Variants in ZFYVE1 observed in about 807,000 individuals in gnomAD.
ZFYVE1 encodes the protein zinc finger FYVE-type containing 1.
ZFYVE1 carries 30 observed loss-of-function variants against 74.4 expected under a neutral mutation model. The observed-to-expected ratio is 0.40, with a 90% CI of 0.30 to 0.55. The LOEUF (loss-of-function observed/expected upper bound fraction) is 0.55, where lower values mean the gene tolerates loss of function less well. Among genes scored for constraint, ZFYVE1 ranks in the 20% least tolerant of loss-of-function variants. ZFYVE1 has a pLI of 0.42. For synonymous variants in ZFYVE1, 335 were observed against 385.1 expected (o/e 0.87, Z 1.52); for missense variants, 703 against 1,011.6 (o/e 0.69, Z 4.14).
intron 1 of ZFYVE1, among the ~76,000 whole-genome samples, chr14:73,025,693 CAA>C (rs34131740): frequency 0.039 from 2,988 of 76,118 alleles, 92 homozygotes; most frequent in African/African-American, 0.14. Context: ...AAGACTCCCT[CAA>C]AAAAAAAAAA....
rs1893245411 is a variant in ZFYVE1, at chr14:72,978,718, A to C, written c.1419+143T>G. ...AAGACATGTGAGTGCTTTTTGTTAG[A>C]GCTGGAGAGAAGTTCCAGAAATATT... On this transcript the variant is annotated intron_variant, in intron 6 of 11. Coordinates refer to ENST00000556143, the MANE Select transcript of ZFYVE1 (RefSeq NM_021260.4). The C allele has an allele frequency of 6.0e-6, 4 of 670,234 alleles. No individual in the cohort carries two copies. In the Admixed American group the frequency reaches 9.7e-5, roughly 16 times the overall value. 41.5% of individuals were successfully genotyped at this position (670,234 alleles called of 1,614,324 possible). A position where few individuals can be genotyped will look rare whatever the true frequency, so the allele number is the denominator to read the frequency against.
intron 2 of ZFYVE1, among the ~76,000 whole-genome samples, chr14:73,004,475 T>TAA (rs1009968990): frequency 3.1e-4 from 47 of 152,080 alleles, no homozygotes; most frequent in Non-Finnish European, 4.0e-4. Flanking sequence ...TATATATATA[T>TAA]AACTCATATG....
rs1182963809 is a variant in ZFYVE1, at chr14:72,969,806, G to T, written c.*1076C>A. On this transcript the variant is annotated 3_prime_UTR_variant, in exon 12 of 12. Coordinates refer to ENST00000556143, the MANE Select transcript of ZFYVE1 (RefSeq NM_021260.4). ...TTTGACTTCTCTTGCAAGGACCAAA[G>T]AGATAAATTTTTTCTTTACGATCTG... The T allele has an allele frequency of 8.8e-6, 6 of 683,832 alleles. No individual in the cohort carries two copies. Among genetic ancestry groups the T allele is most frequent in the Non-Finnish European group, 1.6e-5 (6 of 380,320 alleles). The allele number at this position is 683,832 out of a possible 1,614,324, so 42.4% of individuals were successfully genotyped here.
At position 73,024,264 on chromosome 14, in the gene ZFYVE1, G is replaced by A. The variant is rs564213635; in HGVS notation, c.245C>T (p.Pro82Leu). 14 of 1,614,064 alleles carry A rather than the reference G, an allele frequency of 8.7e-6. No individual in the cohort carries two copies. In the South Asian group the frequency reaches 1.4e-4, roughly 16 times the overall value. ...CACTATTGCCCTCTGCCTAACACCTGGTAAATGCCCACTGAGACCCTTGCA... is the reference window on the plus strand; with the variant it reads ...CACTATTGCCCTCTGCCTAACACCTAGTAAATGCCCACTGAGACCCTTGCA... ...DLCKGLSGHL[P>L]GVRQRAIVRC... Residue 82 changes from proline (P) to leucine (L), a missense_variant, in exon 2 of 12, where the codon CCA becomes CTA. Transcript: ENST00000556143.
In ZFYVE1 at chr14:73,020,663, T is replaced by C. The variant is rs142314669; in HGVS notation, c.483+3363A>G. Among the ~76,000 whole-genome samples, 53 of 152,242 alleles carry C rather than the reference T, an allele frequency of 3.5e-4. 1 individual carries two copies. Among genetic ancestry groups the C allele is most frequent in the African/African-American group, 9.6e-4 (40 of 41,568 alleles). ...CATCGCGCCCGGTCGCAGTTCATTG[T>C]TAATGGTGACTGCTTTAAGAAAAAA... On this transcript the variant is annotated intron_variant, in intron 2 of 11. Transcript: ENST00000556143.
chr14:73,010,440 A>G (rs560354934), intron 2 of ZFYVE1, among the ~76,000 whole-genome samples: 151 of 152,290 alleles, frequency 9.9e-4, no homozygotes, highest in Non-Finnish European at 8.7e-4. Flanking sequence ...CTTCTCTACT[A>G]AAAATACAAA....
Position 72,998,169 on chromosome 14 carries a change from G to A in ZFYVE1, c.630C>T (p.Thr210=). 2 of 1,614,000 alleles carry A rather than the reference G, an allele frequency of 1.2e-6. No individual in the cohort carries two copies. Among genetic ancestry groups the A allele is most frequent in the Non-Finnish European group, 1.7e-6 (2 of 1,180,006 alleles). Residue 210 remains threonine, a synonymous_variant, in exon 3 of 12, where the codon ACC becomes ACT. Coordinates refer to ENST00000556143, the MANE Select transcript of ZFYVE1 (RefSeq NM_021260.4). ...CAGTGCAGGACTCCTGGGTCGGGGA[G>A]GTTTTAAAGACTTCACGACCATAAA... ...TFFYGREVFK[T]SPTQESCTVG... is the part of the protein sequence containing the mutation.
intron 2 of ZFYVE1, among the ~76,000 whole-genome samples, chr14:73,023,634 G>T (rs1388485313): frequency 6.6e-6 from 1 of 151,426 alleles, no homozygotes; most frequent in Non-Finnish European, 1.5e-5. Flanking sequence ...TTTACTCACA[G>T]CTTGCCAGGG....
intron 2 of ZFYVE1, among the ~76,000 whole-genome samples, chr14:73,014,134 T>C (rs1309979923): frequency 3.3e-5 from 5 of 152,176 alleles, no homozygotes; most frequent in Admixed American, 3.3e-4. Context: ...TGAAGGTGTC[T>C]TAAAGTAGTT....
At chr14:73,005,830 A>AT (rs889215493) in intron 2 of ZFYVE1, among the ~76,000 whole-genome samples, 1 of 152,198 alleles carries the variant, frequency 6.6e-6, no homozygotes, top group Admixed American at 6.5e-5. Flanking sequence ...TTGGGGGCTG[A>AT]TTCAGCAATG....
At chr14:72,992,601 G>A (rs34518714) in intron 4 of ZFYVE1, among the ~76,000 whole-genome samples, 62,106 of 135,346 alleles carry the variant, frequency 0.46, 15,246 homozygotes, top group African/African-American at 0.55. Context: ...TCTGGGGGGA[G>A]GTCCCATTCA....
At position 73,024,758 on chromosome 14, in the gene ZFYVE1, G is replaced by T; in HGVS notation, c.-250C>A. ...GTTTGATGGTTTCATCCTCCATAAA[G>T]TGCAAGCAAAGATGTGGTCAAAATT... On this transcript the variant is annotated 5_prime_UTR_variant, in exon 2 of 12. Coordinates refer to ENST00000556143, the MANE Select transcript of ZFYVE1 (RefSeq NM_021260.4). 1 of 464,964 alleles carries T rather than the reference G, an allele frequency of 2.2e-6. No homozygotes were observed. Among genetic ancestry groups the T allele is most frequent in the Non-Finnish European group, 3.7e-6 (1 of 273,570 alleles). The allele number at this position is 464,964 out of a possible 1,614,324, so 28.8% of individuals were successfully genotyped here. A position where few individuals can be genotyped will look rare whatever the true frequency, so the allele number is the denominator to read the frequency against.
intron 5 of ZFYVE1, 34 bp downstream of exon 5, chr14:72,981,755 A>G (rs1893335672): frequency 3.8e-6 from 6 of 1,583,106 alleles, no homozygotes; most frequent in Non-Finnish European, 5.2e-6. Context: ...TTCTCAAGGT[A>G]TGGGGTGGGA....
At chr14:72,978,840 G>A (rs774562110) in intron 6 of ZFYVE1, 21 bp downstream of exon 6, 4 of 1,607,382 alleles carry the variant, frequency 2.5e-6, no homozygotes, top group Middle Eastern at 1.7e-4. Flanking sequence ...GCTGACACAG[G>A]GAGGAGCTCG....
chr14:73,012,973 T>G (rs1030961550), intron 2 of ZFYVE1, among the ~76,000 whole-genome samples: 2 of 152,280 alleles, frequency 1.3e-5, no homozygotes, highest in South Asian at 4.1e-4. Context: ...AATTCTGGAT[T>G]GCTCAGGATC....
chr14:72,976,431 T>C (rs1159010674), intron 8 of ZFYVE1, among the ~76,000 whole-genome samples: 2 of 152,112 alleles, frequency 1.3e-5, no homozygotes, highest in East Asian at 3.9e-4. Context: ...GCTCCCATAA[T>C]GAGACTACTA....
At position 72,970,754 on chromosome 14, in the gene ZFYVE1, TG is replaced by T; in HGVS notation, c.*127del. The stretch of plus-strand genomic sequence containing the variant: ...CAGGCTCACCCCCACTGAGGGAAAG[TG>T]GCCCTGGATGCGGAGAGGAGAGGAC... On this transcript the variant is annotated 3_prime_UTR_variant, in exon 12 of 12. Coordinates refer to ENST00000556143, the MANE Select transcript of ZFYVE1 (RefSeq NM_021260.4). 1 of 1,037,304 alleles carries T rather than the reference TG, an allele frequency of 9.6e-7. No homozygotes were observed. Among genetic ancestry groups the T allele is most frequent in the Non-Finnish European group, 1.4e-6 (1 of 715,426 alleles). The allele number at this position is 1,037,304 out of a possible 1,614,324, so 64.3% of individuals were successfully genotyped here.
At chr14:73,012,519 G>A (rs1894111696) in intron 2 of ZFYVE1, among the ~76,000 whole-genome samples, 1 of 152,150 alleles carries the variant, frequency 6.6e-6, no homozygotes, top group Non-Finnish European at 1.5e-5. Flanking sequence ...CTACTTGGGA[G>A]GCTGAGACAG....
At chr14:72,993,076 C>A in intron 4 of ZFYVE1, 67 bp downstream of exon 4, 4 of 1,453,954 alleles carry the variant, frequency 2.8e-6, no homozygotes, top group Non-Finnish European at 3.7e-6. Context: ...CAAAAGCTGG[C>A]GAACTGAGTG....
Sources: gnomAD v4.1 joint callset for allele counts (sites outside exome capture counted in the v4.1 genomes callset) on GRCh38, gnomAD v4.1.1 for gene constraint, MANE v1.5 for transcripts, NCBI Gene and HGNC (gene_info 2026-07-23, HGNC 2026-07-21) for gene names.